Variants in DPP8 observed in about 807,000 individuals in gnomAD.
The protein encoded by DPP8 is DPP VIII.
DPP8 carries 31 observed loss-of-function variants against 107.5 expected under a neutral mutation model. That is an observed-to-expected ratio of 0.29 (90% CI 0.22 to 0.39). The LOEUF (loss-of-function observed/expected upper bound fraction) is 0.39. Among genes scored for constraint, DPP8 ranks in the 10% least tolerant of loss-of-function variants. DPP8 has a pLI of 1.00. For synonymous variants in DPP8, 381 were observed against 356.6 expected (o/e 1.07, Z -0.77); for missense variants, 842 against 1,076.1 (o/e 0.78, Z 3.04).
At chr15:65,501,184 A>AT (rs916335513) in intron 3 of DPP8, among the ~76,000 whole-genome samples, 10 of 148,374 alleles carry the variant, frequency 6.7e-5, no homozygotes, top group Non-Finnish European at 1.2e-4. Flanking sequence ...GCGACTCTAC[A>AT]TTTTTTTTTT....
intron 11 of DPP8, among the ~76,000 whole-genome samples, chr15:65,474,589 T>TC (rs2066213168): frequency 6.6e-6 from 1 of 152,168 alleles, no homozygotes; most frequent in Non-Finnish European, 1.5e-5. Flanking sequence ...CAAGCTTTCC[T>TC]CCCACCTCAG....
In DPP8 at chr15:65,517,203, G is replaced by C. The variant is rs989272099; in HGVS notation, c.-12+283C>G. Reference sequence around the variant, plus strand: ...CCAGCGAGACTCAATTAAGATAACGGACGTGGAAGCCAGGAGGCCAGCGCC... The same window carrying C: ...CCAGCGAGACTCAATTAAGATAACGCACGTGGAAGCCAGGAGGCCAGCGCC... On this transcript the variant is annotated intron_variant, in intron 1 of 19. Coordinates refer to ENST00000300141, the MANE Select transcript of DPP8 (RefSeq NM_130434.5). The C allele has an allele frequency of 2.0e-5, 3 of 152,248 alleles. 1 individual carries two copies. The highest frequency in any genetic ancestry group is 7.2e-5 in the African/African-American group (3 of 41,446). 9.4% of individuals were successfully genotyped at this position (152,248 alleles called of 1,614,324 possible).
intron 2 of DPP8, among the ~76,000 whole-genome samples, chr15:65,508,065 T>C (rs1046316572): frequency 1.2e-4 from 18 of 151,646 alleles, no homozygotes; most frequent in Non-Finnish European, 1.0e-4. Flanking sequence ...TGATGAAACC[T>C]TGTCTGTACT....
chr15:65,489,374 T>A lies in DPP8; in HGVS notation c.826+815A>T, dbSNP rs1050926155. Among the ~76,000 whole-genome samples, 9 of 151,586 alleles carry A rather than the reference T, an allele frequency of 5.9e-5. No individual in the cohort carries two copies. In the South Asian group the frequency reaches 6.3e-4, roughly 11 times the overall value. On this transcript the variant is annotated intron_variant, in intron 6 of 19. Coordinates refer to ENST00000300141, the MANE Select transcript of DPP8 (RefSeq NM_130434.5). ...CCAGAGGCATTAAACCACAATACAA[T>A]GGTTTTTACTAGACTTCATTATGAT...
intron 6 of DPP8, among the ~76,000 whole-genome samples, chr15:65,489,709 C>A (rs2067823173): frequency 6.8e-6 from 1 of 147,566 alleles, no homozygotes; most frequent in Admixed American, 6.8e-5. Context: ...TAAGCCACCA[C>A]GCCCGGCCAT....
chr15:65,483,523 T>C (rs568270062), intron 8 of DPP8, among the ~76,000 whole-genome samples: 1 of 151,980 alleles, frequency 6.6e-6, no homozygotes, highest in South Asian at 2.1e-4. Context: ...CCTTTCTCTT[T>C]TTTGTATTTT....
intron 15 of DPP8, among the ~76,000 whole-genome samples, chr15:65,462,265 G>A (rs1352699111): frequency 1.5e-4 from 23 of 152,264 alleles, no homozygotes; most frequent in Middle Eastern, 3.4e-3. Flanking sequence ...CACAGCGCCC[G>A]GCTAACTCTT....
In DPP8 at chr15:65,448,703, A is replaced by C. The variant is rs1314111566; in HGVS notation, c.2527-1697T>G. Reference sequence around the variant, plus strand: ...AAAAAAAAAAAAAATATATATATATATAAAATGTACATATATATATAAAAT... The same window carrying C: ...AAAAAAAAAAAAAATATATATATATCTAAAATGTACATATATATATAAAAT... On this transcript the variant is annotated intron_variant, in intron 19 of 19. Coordinates refer to ENST00000300141, the MANE Select transcript of DPP8 (RefSeq NM_130434.5). Among the ~76,000 whole-genome samples the C allele has an allele frequency of 4.8e-4, 68 of 140,848 alleles. 1 individual carries two copies. Among genetic ancestry groups the C allele is most frequent in the African/African-American group, 1.7e-3 (65 of 38,358 alleles). The allele number at this position is 140,848 out of a possible 152,430, so 92.4% of individuals were successfully genotyped here. A position where few individuals can be genotyped will look rare whatever the true frequency, so the allele number is the denominator to read the frequency against.
intron 12 of DPP8, among the ~76,000 whole-genome samples, chr15:65,470,605 CAA>C (rs3082806): frequency 2.5e-4 from 26 of 104,858 alleles, no homozygotes; most frequent in Admixed American, 2.1e-4. Context: ...AGACTTGTCT[CAA>C]AAAAAAAAAA....
chr15:65,499,101 G>GTC (rs1469760782), intron 4 of DPP8, among the ~76,000 whole-genome samples: 2 of 139,004 alleles, frequency 1.4e-5, no homozygotes, highest in Admixed American at 7.7e-5. Context: ...GTGTGTGTGT[G>GTC]TGTGTATATA....
chr15:65,447,153 G>A (rs1327749560), intron 19 of DPP8, 147 bp from the exon 20 acceptor site: 9 of 519,554 alleles, frequency 1.7e-5, no homozygotes, highest in Non-Finnish European at 2.9e-5. Flanking sequence ...CTATCTAAAC[G>A]CTCCTCTCTT....
At position 65,459,452 on chromosome 15, in the gene DPP8, G is replaced by C. The variant is rs1170925945; in HGVS notation, c.1972-3081C>G. The C allele has an allele frequency of 3.3e-5, 5 of 152,188 alleles. No individual in the cohort carries two copies. The East Asian group carries it at 9.7e-4, about 30-fold the overall frequency. 9.4% of individuals were successfully genotyped at this position (152,188 alleles called of 1,614,324 possible). A position where few individuals can be genotyped will look rare whatever the true frequency, so the allele number is the denominator to read the frequency against. On this transcript the variant is annotated intron_variant, in intron 15 of 19. Coordinates refer to ENST00000300141, the MANE Select transcript of DPP8 (RefSeq NM_130434.5). The stretch of plus-strand genomic sequence containing the variant: ...CAAAGTGCTGGGATTACAGGCATGA[G>C]CCACCACACCCAGCCCAGATTCTTC...
At chr15:65,452,894 C>T (rs1425215695) in intron 17 of DPP8, among the ~76,000 whole-genome samples, 1 of 152,032 alleles carries the variant, frequency 6.6e-6, no homozygotes, top group Non-Finnish European at 1.5e-5. Flanking sequence ...ATCGCTTGAA[C>T]CTGAGAGGCG....
chr15:65,492,028 G>C (rs1165292782), intron 5 of DPP8, among the ~76,000 whole-genome samples: 4 of 141,874 alleles, frequency 2.8e-5, no homozygotes, highest in Admixed American at 2.8e-4. Context: ...CACCACGCCC[G>C]GCCACATTAT....
Position 65,504,667 on chromosome 15 carries a change from C to CAAAAAA in DPP8, c.372+2570_372+2575dup, listed in dbSNP as rs371246881. The stretch of plus-strand genomic sequence containing the variant: ...CTGGCGACAGAGCAAGATTCCGTCT[C>CAAAAAA]AAAAAAAAAAAAAAAAAAACTGTGG... On this transcript the variant is annotated intron_variant, in intron 3 of 19. Coordinates refer to ENST00000300141, the MANE Select transcript of DPP8 (RefSeq NM_130434.5). Among the ~76,000 whole-genome samples the CAAAAAA allele has an allele frequency of 9.9e-3, 1,080 of 108,752 alleles. 38 individuals carry two copies. The highest frequency in any genetic ancestry group is 0.04 in the African/African-American group (1,017 of 25,676). The allele number at this position is 108,752 out of a possible 152,430, so 71.3% of individuals were successfully genotyped here.
intron 3 of DPP8, among the ~76,000 whole-genome samples, chr15:65,505,768 G>T (rs1006866020): frequency 6.6e-5 from 10 of 151,868 alleles, no homozygotes; most frequent in African/African-American, 2.2e-4. Flanking sequence ...TGGGTGACAT[G>T]ATGAAACCCC....
At chr15:65,501,372 C>T (rs1300660002) in intron 3 of DPP8, among the ~76,000 whole-genome samples, 1 of 152,202 alleles carries the variant, frequency 6.6e-6, no homozygotes, top group African/African-American at 2.4e-5. Flanking sequence ...GCATTCAAGA[C>T]TTTCTACAAC....
intron 3 of DPP8, among the ~76,000 whole-genome samples, chr15:65,503,866 C>A (rs572671756): frequency 6.6e-6 from 1 of 152,004 alleles, no homozygotes; most frequent in Admixed American, 6.6e-5. Context: ...TTCAAGTGAT[C>A]CACCCGCCTC....
At position 65,445,448 on chromosome 15, in the gene DPP8, A is replaced by G. The variant is rs550905522; in HGVS notation, c.*1436T>C. ...GACTCTAACAGGGCAGATCTCAATT[A>G]GCACCTGAAAGCCTATGAGCTCTCT... On this transcript the variant is annotated 3_prime_UTR_variant, in exon 20 of 20. Coordinates refer to ENST00000300141, the MANE Select transcript of DPP8 (RefSeq NM_130434.5). 6.5e-6 allele frequency: 1 copy of G among 153,328 alleles called. No homozygotes were observed. The highest frequency in any genetic ancestry group is 2.1e-4 in the South Asian group (1 of 4,820). 9.5% of individuals were successfully genotyped at this position (153,328 alleles called of 1,614,324 possible).
Sources: allele counts gnomAD v4.1 joint callset (sites outside exome capture counted in the v4.1 genomes callset), GRCh38; gene constraint gnomAD v4.1.1; transcripts MANE v1.5; gene names NCBI Gene and HGNC (gene_info 2026-07-23, HGNC 2026-07-21).